SPMIP9: variants seen among roughly 807,000 people sequenced by gnomAD.
SPMIP9 encodes the protein sperm microtubule inner protein 9.
At chr2:88,528,084 T>A in the SPMIP9 span, among the ~76,000 whole-genome samples, 1 of 152,172 alleles carries the variant, frequency 6.6e-6, no homozygotes, top group African/African-American at 2.4e-5. Context: ...CTGGGTTTCT[T>A]GTCTTTTTCT....
At chr2:88,529,010 GTC>G in the SPMIP9 span, 1 of 1,567,870 alleles carries the variant, frequency 6.4e-7, no homozygotes, top group South Asian at 1.2e-5. Context: ...ATCATCTCTT[GTC>G]TCTCTCACCC....
chr2:88,529,517 G>A, the SPMIP9 span: 29 of 1,538,764 alleles, frequency 1.9e-5, no homozygotes, highest in South Asian at 4.8e-5. Context: ...AAGGGCATGT[G>A]GAAATCCTAT....
At chr2:88,529,154 C>A in the SPMIP9 span, 1 of 1,614,170 alleles carries the variant, frequency 6.2e-7, no homozygotes, top group South Asian at 1.1e-5. Flanking sequence ...CAAAAGACCC[C>A]ACATGACTGC....
At chr2:88,526,725 C>T in the SPMIP9 span, among the ~76,000 whole-genome samples, 4 of 152,006 alleles carry the variant, frequency 2.6e-5, no homozygotes, top group East Asian at 1.9e-4. Flanking sequence ...AGTGCAGTGG[C>T]GCGATCTCGG....
At chr2:88,527,009 C>G in the SPMIP9 span, among the ~76,000 whole-genome samples, 365 of 152,176 alleles carry the variant, frequency 2.4e-3, 1 homozygote, top group African/African-American at 8.5e-3. Context: ...GTCATGCATA[C>G]AAAAAATTGT....
At chr2:88,525,104 T>C in the SPMIP9 span, among the ~76,000 whole-genome samples, 1 of 152,150 alleles carries the variant, frequency 6.6e-6, no homozygotes, top group Admixed American at 6.5e-5. Flanking sequence ...TGGGCCTTCC[T>C]CTATCCAGGG....
chr2:88,526,057 G>T, the SPMIP9 span, among the ~76,000 whole-genome samples: 190 of 152,254 alleles, frequency 1.2e-3, no homozygotes, highest in African/African-American at 4.2e-3. Context: ...ACTCTTGGGA[G>T]GTGGAGAATA....
the SPMIP9 span, among the ~76,000 whole-genome samples, chr2:88,527,051 T>G: frequency 6.6e-6 from 1 of 152,216 alleles, no homozygotes; most frequent in Non-Finnish European, 1.5e-5. Context: ...AAAATTACAC[T>G]GATAAACACC....
At chr2:88,526,377 CTT>C in the SPMIP9 span, 3 of 1,562,250 alleles carry the variant, frequency 1.9e-6, no homozygotes, top group Non-Finnish European at 2.6e-6. Context: ...GAGGGAATCT[CTT>C]GTTTTATATT....
chr2:88,527,979 A>G, the SPMIP9 span, among the ~76,000 whole-genome samples: 1 of 152,048 alleles, frequency 6.6e-6, no homozygotes, highest in African/African-American at 2.4e-5. Context: ...CATAATTTTC[A>G]TTTCACTAAC....
chr2:88,527,036 G>T, the SPMIP9 span, among the ~76,000 whole-genome samples: 4 of 152,164 alleles, frequency 2.6e-5, no homozygotes, highest in African/African-American at 7.2e-5. Context: ...TACACATTTA[G>T]AGTTAAAATT....
At chr2:88,525,460 G>A in the SPMIP9 span, among the ~76,000 whole-genome samples, 1 of 152,258 alleles carries the variant, frequency 6.6e-6, no homozygotes, top group African/African-American at 2.4e-5. Flanking sequence ...AGGGACCCTG[G>A]TATCACCACC....
At chr2:88,529,395 G>A in the SPMIP9 span, 8 of 1,614,048 alleles carry the variant, frequency 5.0e-6, no homozygotes, top group Non-Finnish European at 5.9e-6. Context: ...CTACTGCCAG[G>A]GTGTCCCTGT....
At chr2:88,525,423 T>G in the SPMIP9 span, among the ~76,000 whole-genome samples, 1 of 152,218 alleles carries the variant, frequency 6.6e-6, no homozygotes, top group Non-Finnish European at 1.5e-5. Context: ...TCATTCCTCC[T>G]GAGTCCTGCT....
chr2:88,527,456 C>T, the SPMIP9 span, among the ~76,000 whole-genome samples: 1 of 152,172 alleles, frequency 6.6e-6, no homozygotes, highest in Non-Finnish European at 1.5e-5. Context: ...CCAAAAAAAT[C>T]ATTCCCTTAT....
At chr2:88,526,509 C>T in the SPMIP9 span, 239 of 1,604,654 alleles carry the variant, frequency 1.5e-4, 3 homozygotes, top group East Asian at 3.9e-3. Context: ...TAGGAAGGCA[C>T]GCAAGTCCTG....
the SPMIP9 span, chr2:88,526,266 T>G: frequency 1.5e-6 from 1 of 674,606 alleles, no homozygotes; most frequent in Non-Finnish European, 2.7e-6. Context: ...TAAAAATGGG[T>G]CACAGCCAGA....
chr2:88,525,695 C>T, the SPMIP9 span: 2 of 1,614,058 alleles, frequency 1.2e-6, no homozygotes. Context: ...GTTTCTGTCC[C>T]CTGTGACGGT....
chr2:88,527,447 C>CA, the SPMIP9 span, among the ~76,000 whole-genome samples: 19 of 151,942 alleles, frequency 1.3e-4, no homozygotes, highest in Non-Finnish European at 2.4e-4. Context: ...CTATCCCCCC[C>CA]AAAAAAATCA....
Sources: gnomAD v4.1 joint callset for allele counts (sites outside exome capture counted in the v4.1 genomes callset) on GRCh38, gnomAD v4.1.1 for gene constraint, MANE v1.5 for transcripts, NCBI Gene and HGNC (gene_info 2026-07-23, HGNC 2026-07-21) for gene names.